FARP2: variants seen among roughly 807,000 people sequenced by gnomAD.
The protein encoded by FARP2 is FERM, ARH/RhoGEF and pleckstrin domain protein 2.
FARP2 carries 111 observed loss-of-function variants against 130.5 expected under a neutral mutation model. The ratio of observed to expected loss-of-function variants is 0.85; its 90% CI spans 0.73 to 1.00. The LOEUF is 1.00. Ranked by LOEUF, FARP2 falls within the 50% of genes least tolerant of loss-of-function variation. The pLI is 0.00. For missense variants in FARP2, 1,385 were observed against 1,346.3 expected, an observed-to-expected ratio of 1.03 and a Z score of -0.45; for synonymous variants, 504 against 516.9, an observed-to-expected ratio of 0.98 and a Z score of 0.34.
chr2:241,438,790 T>C (rs2063310408), intron 12 of FARP2, among the ~76,000 whole-genome samples: 1 of 92 alleles, frequency 0.011, no homozygotes, highest in African/African-American at 0.05. Context: ...CCACCATGCC[T>C]GGTAATTTTT....
At chr2:241,384,245 C>G (rs903774742) in intron 2 of FARP2, among the ~76,000 whole-genome samples, 2 of 152,116 alleles carry the variant, frequency 1.3e-5, no homozygotes, top group African/African-American at 4.8e-5. Flanking sequence ...GTTGGCACTT[C>G]CAACTGTTGT....
intron 13 of FARP2, chr2:241,443,772 G>C (rs1353998028): frequency 1.3e-5 from 2 of 152,246 alleles, no homozygotes; most frequent in Non-Finnish European, 2.9e-5. Context: ...TGGGGTTTTT[G>C]TTGTTTTTCT....
chr2:241,404,884 T>C, intron 4 of FARP2, 43 bp downstream of exon 4: 1 of 1,441,356 alleles, frequency 6.9e-7, no homozygotes, highest in Non-Finnish European at 9.8e-7. Flanking sequence ...TTGTTTAAGA[T>C]GTGTTGTCCT....
At chr2:241,441,727 G>A in intron 13 of FARP2, 171 bp downstream of exon 13, 6 of 991,534 alleles carry the variant, frequency 6.1e-6, no homozygotes, top group Non-Finnish European at 9.3e-6. Context: ...TTCCGGTGGG[G>A]AGCACCGGTG....
At chr2:241,453,351 G>A (rs564272244) in intron 13 of FARP2, among the ~76,000 whole-genome samples, 76 of 151,286 alleles carry the variant, frequency 5.0e-4, no homozygotes, top group Middle Eastern at 7.0e-3. Flanking sequence ...GGCTGGGCGC[G>A]GTGGCTCATG....
chr2:241,434,303 G>C lies in FARP2; in HGVS notation c.1013G>C (p.Gly338Ala), dbSNP rs749572946. The C allele has an allele frequency of 6.2e-7, 1 of 1,612,378 alleles. No individual in the cohort carries two copies. The highest frequency in any genetic ancestry group is 1.1e-5 in the South Asian group (1 of 90,620). ...PKAKAVFFSR[G>A]SSFRYSGRTQ... ...GCAAAAGCCGTCTTCTTCAGCCGGG[G>C]CTCCTCCTTCAGATACAGGTAGGGG... Residue 338 changes from glycine (G) to alanine (A), a missense_variant, in exon 10 of 27, where the codon GGC becomes GCC. Coordinates refer to ENST00000264042, the MANE Select transcript of FARP2 (RefSeq NM_014808.4).
chr2:241,477,901 T>G (rs2064515333), intron 19 of FARP2: 3 of 152,962 alleles, frequency 2.0e-5, no homozygotes. Context: ...CCTTTTATTT[T>G]ATTCAGAAAT....
At chr2:241,463,722 C>A in intron 16 of FARP2, 177 bp from the exon 17 acceptor site, 2 of 681,004 alleles carry the variant, frequency 2.9e-6, no homozygotes, top group Non-Finnish European at 4.9e-6. Context: ...TAGAGAATGG[C>A]CAGACACATA....
intron 1 of FARP2, among the ~76,000 whole-genome samples, chr2:241,371,633 A>C (rs1335549683): frequency 1.3e-5 from 2 of 152,232 alleles, no homozygotes; most frequent in African/African-American, 4.8e-5. Flanking sequence ...AAAAGGTTAC[A>C]GATTAGCGGA....
At chr2:241,462,052 G>A (rs925168537) in intron 14 of FARP2, among the ~76,000 whole-genome samples, 3 of 152,206 alleles carry the variant, frequency 2.0e-5, no homozygotes, top group African/African-American at 7.2e-5. Flanking sequence ...CTCTAGCAGG[G>A]CACGGAAAAC....
rs1011723274 is a variant in FARP2, at chr2:241,375,845, A to C, written c.183+2555A>C. On this transcript the variant is annotated intron_variant, in intron 2 of 26. Coordinates refer to ENST00000264042, the MANE Select transcript of FARP2 (RefSeq NM_014808.4). ...TGGACTCAAGTGATCCTCCTGCCTC[A>C]GCCTCCCAAGTAGCTAGGACTACAG... 5.3e-5 allele frequency among the ~76,000 whole-genome samples: 8 copies of C among 151,924 alleles called. No individual in the cohort carries two copies. In the South Asian group the frequency reaches 1.0e-3, roughly 20 times the overall value.
At chr2:241,420,288 A>G (rs543590883) in intron 8 of FARP2, among the ~76,000 whole-genome samples, 3 of 152,358 alleles carry the variant, frequency 2.0e-5, no homozygotes, top group African/African-American at 7.2e-5. Context: ...GCATCATTAC[A>G]TGGAGAAAAG....
chr2:241,438,139 T>TA (rs1362546028), intron 12 of FARP2, among the ~76,000 whole-genome samples: 1 of 152,226 alleles, frequency 6.6e-6, no homozygotes, highest in African/African-American at 2.4e-5. Context: ...TAACATATCA[T>TA]AACTCTTTCT....
intron 11 of FARP2, among the ~76,000 whole-genome samples, chr2:241,435,499 G>A (rs1174011825): frequency 3.3e-5 from 5 of 151,018 alleles, no homozygotes; most frequent in Non-Finnish European, 4.4e-5. Context: ...TTTAAAGAAA[G>A]TGGATTTGTA....
chr2:241,373,044 T>C lies in FARP2; in HGVS notation c.-24-40T>C, dbSNP rs189980132. The C allele has an allele frequency of 2.0e-3, 2,245 of 1,142,768 alleles. 48 individuals are homozygous for C. In the South Asian group the frequency reaches 0.034, roughly 17 times the overall value. The allele number at this position is 1,142,768 out of a possible 1,614,324, so 70.8% of individuals were successfully genotyped here. The stretch of plus-strand genomic sequence containing the variant: ...ACCTTGTTTTAGTACCTAAATAATG[T>C]GATAATTCCTTCATGTGGTTTTTTT... On this transcript the variant is annotated intron_variant, in intron 1 of 26. Transcript: ENST00000264042.
chr2:241,397,545 G>A (rs1048413343), intron 2 of FARP2, among the ~76,000 whole-genome samples: 3 of 152,054 alleles, frequency 2.0e-5, no homozygotes, highest in Non-Finnish European at 2.9e-5. Context: ...TCTGTTCTGC[G>A]TGACCATTTT....
intron 13 of FARP2, among the ~76,000 whole-genome samples, chr2:241,448,961 TA>T (rs906138407): frequency 5.9e-5 from 9 of 152,198 alleles, no homozygotes; most frequent in African/African-American, 1.9e-4. Context: ...GAATGCACAG[TA>T]AGAGATGAAC....
chr2:241,450,208 TA>T (rs1407378141), intron 13 of FARP2, among the ~76,000 whole-genome samples: 4 of 151,008 alleles, frequency 2.6e-5, no homozygotes, highest in Non-Finnish European at 1.5e-5. Flanking sequence ...TACAAAAAAC[TA>T]AAACATAGCT....
intron 2 of FARP2, among the ~76,000 whole-genome samples, chr2:241,384,227 A>G (rs2061733011): frequency 1.3e-5 from 2 of 152,050 alleles, no homozygotes; most frequent in South Asian, 4.1e-4. Context: ...GAAACATGAA[A>G]AGTATCTGTT....
Sources: allele counts gnomAD v4.1 joint callset (sites outside exome capture counted in the v4.1 genomes callset), GRCh38; gene constraint gnomAD v4.1.1; transcripts MANE v1.5; gene names NCBI Gene and HGNC (gene_info 2026-07-23, HGNC 2026-07-21).